C12orf54: variants seen among roughly 807,000 people sequenced by gnomAD.
C12orf54 encodes the protein chromosome 12 open reading frame 54.
Under a neutral mutation model 26.4 loss-of-function variants are expected in C12orf54, and 24 were observed. The observed-to-expected ratio is 0.91, with a 90% CI of 0.66 to 1.28. The LOEUF is 1.28. Among genes scored for constraint, C12orf54 ranks in the 50% most tolerant of loss-of-function variants. The probability of loss-of-function intolerance (pLI) is 0.00; values close to 1 mark genes in which losing one functional copy is unlikely to be tolerated. For missense variants in C12orf54, 154 were observed against 150.9 expected (o/e 1.02, Z -0.11); for synonymous variants, 54 against 47.0 (o/e 1.15, Z -0.61).
At chr12:48,471,190 A>T in the C12orf54 span, among the ~76,000 whole-genome samples, 11 of 152,196 alleles carry the variant, frequency 7.2e-5, no homozygotes, top group African/African-American at 2.6e-4. Context: ...AAGTGAGAAC[A>T]TGCAATGTTT....
At chr12:48,455,968 A>C in the C12orf54 span, among the ~76,000 whole-genome samples, 1 of 152,188 alleles carries the variant, frequency 6.6e-6, no homozygotes, top group East Asian at 1.9e-4. Context: ...TTGAATCCTT[A>C]CCATGTGCCA....
At chr12:48,435,155 G>A in the C12orf54 span, among the ~76,000 whole-genome samples, 5 of 152,314 alleles carry the variant, frequency 3.3e-5, no homozygotes, top group Non-Finnish European at 5.9e-5. Context: ...GGAAGAAAGG[G>A]TATCAGCGAT....
chr12:48,458,704 C>A, the C12orf54 span, among the ~76,000 whole-genome samples: 1 of 151,412 alleles, frequency 6.6e-6, no homozygotes, highest in African/African-American at 2.4e-5. Flanking sequence ...ATGCCTGACA[C>A]CTGCTCCACA....
At chr12:48,492,834 A>G (rs777183611) in intron 6 of C12orf54, 113 bp from the exon 7 acceptor site, 2 of 930,546 alleles carry the variant, frequency 2.1e-6, no homozygotes, top group Non-Finnish European at 3.5e-6. Flanking sequence ...TGTCCCTTCA[A>G]GTCTGGACCC....
the C12orf54 span, among the ~76,000 whole-genome samples, chr12:48,466,962 T>C: frequency 2.0e-5 from 3 of 151,864 alleles, no homozygotes; most frequent in Non-Finnish European, 4.4e-5. Flanking sequence ...GAAAAACAAA[T>C]GGTAGTATAT....
At chr12:48,431,724 A>G in the C12orf54 span, among the ~76,000 whole-genome samples, 3 of 152,222 alleles carry the variant, frequency 2.0e-5, no homozygotes, top group Non-Finnish European at 2.9e-5. Flanking sequence ...GATGAATGAA[A>G]GCATATTATT....
chr12:48,416,297 G>T, the C12orf54 span, among the ~76,000 whole-genome samples: 2 of 152,096 alleles, frequency 1.3e-5, no homozygotes, highest in African/African-American at 2.4e-5. Context: ...GTTACTATGG[G>T]ATCTGACTGC....
the C12orf54 span, among the ~76,000 whole-genome samples, chr12:48,448,822 C>T: frequency 6.6e-6 from 1 of 152,164 alleles, no homozygotes; most frequent in Non-Finnish European, 1.5e-5. Context: ...ATATAAGTGA[C>T]CATGGCCCAT....
Position 48,486,255 on chromosome 12 carries a change from C to A in C12orf54, c.96+47C>A, listed in dbSNP as rs1360834938. ...TCTGGATCCTCTGGGGCTTCTAATTCCTAGGGAGAGGGGAGGAGAAGAGGT... is the reference window on the plus strand; with the variant it reads ...TCTGGATCCTCTGGGGCTTCTAATTACTAGGGAGAGGGGAGGAGAAGAGGT... On this transcript the variant is annotated intron_variant, in intron 3 of 8. Transcript: ENST00000548364. 2.5e-6 allele frequency: 4 copies of A among 1,570,082 alleles called. No individual in the cohort carries two copies. In the South Asian group the frequency reaches 4.4e-5, roughly 17 times the overall value.
intron 5 of C12orf54, 39 bp from the exon 6 acceptor site, chr12:48,490,772 AG>A (rs1465087588): frequency 6.2e-7 from 1 of 1,611,658 alleles, no homozygotes; most frequent in South Asian, 1.1e-5. Flanking sequence ...GCAGGAGACC[AG>A]CCCCCATCAT....
upstream of C12orf54, among the ~76,000 whole-genome samples, chr12:48,480,982 A>G (rs61940775): frequency 0.13 from 19,277 of 152,160 alleles, 1,617 homozygotes; most frequent in Non-Finnish European, 0.2. Flanking sequence ...ACCAAATACC[A>G]CATGTTCTCA....
At chr12:48,425,196 A>G in the C12orf54 span, among the ~76,000 whole-genome samples, 1 of 151,946 alleles carries the variant, frequency 6.6e-6, no homozygotes, top group Non-Finnish European at 1.5e-5. Context: ...TAAGCCTAGT[A>G]CCCAATAGTT....
chr12:48,464,841 G>A, the C12orf54 span, among the ~76,000 whole-genome samples: 20 of 152,176 alleles, frequency 1.3e-4, no homozygotes, highest in African/African-American at 4.8e-4. Context: ...ATTCAATAAT[G>A]GTGCTGGGAC....
chr12:48,492,876 G>GT, intron 6 of C12orf54, 71 bp from the exon 7 acceptor site: 1 of 1,365,284 alleles, frequency 7.3e-7, no homozygotes, highest in Admixed American at 1.7e-5. Context: ...AATCAAGGAT[G>GT]TGAGCTGGGC....
the C12orf54 span, chr12:48,473,158 A>C: frequency 1.3e-6 from 2 of 1,553,902 alleles, no homozygotes; most frequent in Non-Finnish European, 1.8e-6. Flanking sequence ...GGCTTTGTGG[A>C]GTGCCTGGAT....
the C12orf54 span, among the ~76,000 whole-genome samples, chr12:48,428,236 G>A: frequency 6.6e-6 from 1 of 151,646 alleles, no homozygotes; most frequent in African/African-American, 2.4e-5. Flanking sequence ...AGCACAAACT[G>A]ACAATCTAAG....
chr12:48,421,586 G>A, the C12orf54 span, among the ~76,000 whole-genome samples: 64 of 133,722 alleles, frequency 4.8e-4, no homozygotes, highest in African/African-American at 1.8e-3. Flanking sequence ...CTGGAGTGCA[G>A]TGGCACGATC....
At chr12:48,458,637 T>C in the C12orf54 span, among the ~76,000 whole-genome samples, 1 of 152,308 alleles carries the variant, frequency 6.6e-6, no homozygotes, top group South Asian at 2.1e-4. Context: ...GTTTAATAAA[T>C]GTTTACAAAA....
chr12:48,486,214 T>G lies in C12orf54; in HGVS notation c.96+6T>G, dbSNP rs770803237. ...AAGAGACAATGAGACCACAGGTGGG[T>G]AAGGTATCCAAATTCTCTGGATCCT... On this transcript the variant is annotated splice_donor_region_variant and intron_variant, in intron 3 of 8. Transcript: ENST00000548364. The G allele has an allele frequency of 1.9e-6, 3 of 1,608,982 alleles. No homozygotes were observed. The highest frequency in any genetic ancestry group is 2.6e-6 in the Non-Finnish European group (3 of 1,175,506).
Sources: allele counts gnomAD v4.1 joint callset (sites outside exome capture counted in the v4.1 genomes callset), GRCh38; gene constraint gnomAD v4.1.1; transcripts MANE v1.5; gene names NCBI Gene and HGNC (gene_info 2026-07-23, HGNC 2026-07-21).